NRXN1: variants seen among roughly 807,000 people sequenced by gnomAD.
The protein encoded by NRXN1 is neurexin-1.
Under a neutral mutation model 150.9 loss-of-function variants are expected in NRXN1, and 39 were observed. The observed-to-expected ratio is 0.26, with a 90% confidence interval of 0.20 to 0.34. The LOEUF is 0.34. NRXN1 is among the 10% of genes least tolerant of loss of function. The pLI, the probability that NRXN1 is intolerant of heterozygous loss-of-function variation, is 1.00. For synonymous variants in NRXN1, 924 were observed against 757.0 expected (o/e 1.22, Z -3.62); for missense variants, 1,815 against 1,949.9 (o/e 0.93, Z 1.30).
At chr2:51,031,235 A>C (rs144003172) in intron 1 of NRXN1, among the ~76,000 whole-genome samples, 11 of 152,220 alleles carry the variant, frequency 7.2e-5, no homozygotes, top group African/African-American at 2.4e-4. Flanking sequence ...GATCTGAAAA[A>C]CATCCTTACT....
At chr2:50,383,668 G>T (rs2081126252) in intron 17 of NRXN1, among the ~76,000 whole-genome samples, 1 of 152,108 alleles carries the variant, frequency 6.6e-6, no homozygotes, top group South Asian at 2.1e-4. Flanking sequence ...TTAAGAGTGG[G>T]AAGAAAAATG....
intron 2 of NRXN1, among the ~76,000 whole-genome samples, chr2:51,015,169 G>T (rs764260333): frequency 6.6e-6 from 1 of 151,892 alleles, no homozygotes; most frequent in South Asian, 2.1e-4. Flanking sequence ...ACTCTTCTCT[G>T]TGTCTGTCTG....
chr2:50,438,897 A>G (rs1237019554), intron 17 of NRXN1, among the ~76,000 whole-genome samples: 8 of 152,210 alleles, frequency 5.3e-5, no homozygotes, highest in Non-Finnish European at 7.3e-5. Flanking sequence ...ACCACGATGC[A>G]TTCTGTTGTC....
rs765163297 is a variant in NRXN1, at chr2:51,027,830, C to G, written c.444G>C (p.Thr148=). Residue 148 remains threonine, a synonymous_variant, in exon 2 of 23, where the codon ACG becomes ACC. Coordinates refer to ENST00000401669, the MANE Select transcript of NRXN1 (RefSeq NM_001330078.2). The stretch of plus-strand genomic sequence containing the variant: ...CCCCGACGAAAAGGCCGCTGAACAC[C>G]GTCATGTCCCTGCGCTTGGACTTGA... The part of the protein sequence containing the change: ...VEVKSKRRDM[T]VFSGLFVGGL... 1 of 1,613,414 alleles carries G rather than the reference C, an allele frequency of 6.2e-7. No homozygotes were observed. Among genetic ancestry groups the G allele is most frequent in the Non-Finnish European group, 8.5e-7 (1 of 1,179,712 alleles).
chr2:50,570,389 T>C (rs548071700), intron 8 of NRXN1, among the ~76,000 whole-genome samples: 30 of 152,322 alleles, frequency 2.0e-4, no homozygotes, highest in African/African-American at 6.7e-4. Context: ...CATACCTTAT[T>C]AATTGCTATT....
chr2:50,242,012 T>C (rs2066045443), intron 17 of NRXN1, among the ~76,000 whole-genome samples: 1 of 151,832 alleles, frequency 6.6e-6, no homozygotes, highest in Non-Finnish European at 1.5e-5. Flanking sequence ...AACATAAGTA[T>C]ATGAATAAAA....
chr2:49,983,817 T>C (rs1680411728), intron 21 of NRXN1, among the ~76,000 whole-genome samples: 1 of 152,182 alleles, frequency 6.6e-6, no homozygotes, highest in Non-Finnish European at 1.5e-5. Flanking sequence ...TTCTAACATA[T>C]ATCACTGTGC....
At chr2:50,132,658 G>C (rs1270384865) in intron 18 of NRXN1, among the ~76,000 whole-genome samples, 1 of 151,980 alleles carries the variant, frequency 6.6e-6, no homozygotes, top group African/African-American at 2.4e-5. Context: ...GGAGGACAGA[G>C]ACAAGACTTC....
intron 17 of NRXN1, among the ~76,000 whole-genome samples, chr2:50,383,459 C>A (rs910369290): frequency 2.0e-5 from 3 of 152,074 alleles, no homozygotes; most frequent in Non-Finnish European, 2.9e-5. Flanking sequence ...AAAAAAAATT[C>A]TTTTAAAGTT....
At chr2:50,278,283 A>AT in intron 17 of NRXN1, among the ~76,000 whole-genome samples, 6 of 88,006 alleles carry the variant, frequency 6.8e-5, no homozygotes, top group African/African-American at 2.8e-4. Context: ...TATTATATAT[A>AT]TAATACATAT....
In NRXN1 at chr2:50,452,707, T is replaced by A. The variant is rs1406970239; in HGVS notation, c.3364+12735A>T. ...GAAAAAGAATGTCATGTGAAGAATA[T>A]GTACCTAATATAAATGGCAATTTTG... On this transcript the variant is annotated intron_variant, in intron 17 of 22. Coordinates refer to ENST00000401669, the MANE Select transcript of NRXN1 (RefSeq NM_001330078.2). 2.6e-5 allele frequency among the ~76,000 whole-genome samples: 4 copies of A among 152,296 alleles called. No homozygotes were observed. In the South Asian group the frequency reaches 6.2e-4, roughly 24 times the overall value.
At chr2:50,842,051 A>T (rs749173909) in intron 5 of NRXN1, among the ~76,000 whole-genome samples, 1 of 152,294 alleles carries the variant, frequency 6.6e-6, no homozygotes, top group East Asian at 1.9e-4. Flanking sequence ...TATAGCCCCA[A>T]CTGGACATCA....
rs372120545 is a variant in NRXN1 at position 50,494,960 on chromosome 2, G to C, written c.3070+945C>G. Among the ~76,000 whole-genome samples the C allele has an allele frequency of 4.2e-4, 64 of 151,712 alleles. 1 individual carries two copies. Among genetic ancestry groups the C allele is most frequent in the African/African-American group, 1.5e-3 (63 of 41,304 alleles). ...GCAGGAGAATTGCTTGAACCTAAGA[G>C]GCAGAGACTGAAGTGAGCCGAGATC... On this transcript the variant is annotated intron_variant, in intron 15 of 22. Transcript: ENST00000401669.
At position 50,568,525 on chromosome 2, in the gene NRXN1, G is replaced by C. The variant is rs187779624; in HGVS notation, c.1321-15500C>G. Among the ~76,000 whole-genome samples the C allele has an allele frequency of 3.9e-5, 6 of 152,204 alleles. No individual in the cohort carries two copies. In the East Asian group the frequency reaches 1.2e-3, roughly 29 times the overall value. ...TCAAAAAAGGCATACAAATGTCAAA[G>C]AGGTATATGACAAGCTGCTCAACAT... On this transcript the variant is annotated intron_variant, in intron 8 of 22. Coordinates refer to ENST00000401669, the MANE Select transcript of NRXN1 (RefSeq NM_001330078.2).
intron 17 of NRXN1, among the ~76,000 whole-genome samples, chr2:50,287,796 G>A (rs191088170): frequency 6.6e-5 from 10 of 152,058 alleles, no homozygotes; most frequent in African/African-American, 2.4e-4. Context: ...ATATGTTGCA[G>A]CACGCTTAAT....
intron 17 of NRXN1, among the ~76,000 whole-genome samples, chr2:50,433,470 C>A (rs1225917725): frequency 6.6e-6 from 1 of 151,870 alleles, no homozygotes; most frequent in Non-Finnish European, 1.5e-5. Flanking sequence ...TTTGGAAGAT[C>A]TTCAGTGGAA....
At chr2:50,041,891 T>C (rs773919730) in intron 21 of NRXN1, among the ~76,000 whole-genome samples, 31 of 152,156 alleles carry the variant, frequency 2.0e-4, no homozygotes, top group Non-Finnish European at 4.0e-4. Context: ...GTTTTACACA[T>C]GTTAATCTGT....
intron 5 of NRXN1, among the ~76,000 whole-genome samples, chr2:50,884,239 T>A (rs1035182030): frequency 1.3e-5 from 2 of 151,840 alleles, no homozygotes; most frequent in Admixed American, 6.6e-5. Context: ...TAGATATAAA[T>A]GGACATATTG....
At chr2:50,317,805 A>C (rs775443384) in intron 17 of NRXN1, among the ~76,000 whole-genome samples, 7 of 152,060 alleles carry the variant, frequency 4.6e-5, no homozygotes, top group Non-Finnish European at 8.8e-5. Context: ...TGTCATTCCA[A>C]AAAGATCATG....
Sources: allele counts gnomAD v4.1 joint callset (sites outside exome capture counted in the v4.1 genomes callset), GRCh38; gene constraint gnomAD v4.1.1; transcripts MANE v1.5; gene names NCBI Gene and HGNC (gene_info 2026-07-23, HGNC 2026-07-21).